Variants in TMEM178B observed in about 807,000 individuals in gnomAD.
TMEM178B encodes the protein transmembrane protein 178B.
A neutral mutation model predicts 31.0 loss-of-function variants in TMEM178B; 5 were observed. That is an observed-to-expected ratio of 0.16 (90% CI 0.08 to 0.34). TMEM178B has a LOEUF of 0.34. Ranked by LOEUF, TMEM178B falls within the 10% of genes least tolerant of loss-of-function variation. The pLI, the probability that TMEM178B is intolerant of heterozygous loss-of-function variation, is 1.00. For missense variants in TMEM178B, 275 were observed against 400.3 expected (o/e 0.69, Z 2.67); for synonymous variants, 164 against 164.0 (o/e 1.00, Z 0.00).
chr7:141,175,344 A>G (rs1483559524), intron 1 of TMEM178B, among the ~76,000 whole-genome samples: 4 of 152,150 alleles, frequency 2.6e-5, no homozygotes, highest in Non-Finnish European at 4.4e-5. Context: ...TACCAGTACC[A>G]TGCTCTTTTG....
chr7:141,469,998 A>G (rs1586981974), intron 3 of TMEM178B, among the ~76,000 whole-genome samples: 1 of 152,236 alleles, frequency 6.6e-6, no homozygotes, highest in East Asian at 1.9e-4. Context: ...ACACTTTGGG[A>G]AATGTCTTAT....
At chr7:141,181,714 C>T (rs1041907213) in intron 1 of TMEM178B, among the ~76,000 whole-genome samples, 1 of 152,204 alleles carries the variant, frequency 6.6e-6, no homozygotes, top group Non-Finnish European at 1.5e-5. Flanking sequence ...GAGCCACAGC[C>T]ACATATACTC....
chr7:141,250,814 T>C (rs183055599), intron 2 of TMEM178B, among the ~76,000 whole-genome samples: 2 of 152,350 alleles, frequency 1.3e-5, no homozygotes, highest in East Asian at 3.9e-4. Context: ...GCCTCATTGT[T>C]TGCCCAAGCC....
chr7:141,289,184 A>G (rs1045533209), intron 2 of TMEM178B, among the ~76,000 whole-genome samples: 2 of 152,168 alleles, frequency 1.3e-5, no homozygotes, highest in African/African-American at 4.8e-5. Flanking sequence ...TTGCCAAGAC[A>G]TGGGGGAAAA....
rs549275787 is a variant in TMEM178B at position 141,161,267 on chromosome 7, G to A, written c.383-51324G>A. Among the ~76,000 whole-genome samples, 17 of 152,298 alleles carry A rather than the reference G, an allele frequency of 1.1e-4. No homozygotes were observed. The South Asian group carries it at 3.3e-3, about 30-fold the overall frequency. ...GTCTGACAAGATTGGGATGAGAGTG[G>A]CCAGGGCTATGGTGGATGACGAGGT... is the stretch of plus-strand genomic sequence containing the variant. On this transcript the variant is annotated intron_variant, in intron 1 of 3. Transcript: ENST00000565468.
intron 2 of TMEM178B, among the ~76,000 whole-genome samples, chr7:141,381,061 C>T (rs534840275): frequency 6.6e-6 from 1 of 152,338 alleles, no homozygotes; most frequent in African/African-American, 2.4e-5. Context: ...ATTTTGTATG[C>T]ACACTTCACT....
intron 2 of TMEM178B, among the ~76,000 whole-genome samples, chr7:141,290,283 G>T (rs217016): frequency 0.1 from 15,325 of 152,238 alleles, 1,139 homozygotes; most frequent in African/African-American, 0.2. Flanking sequence ...CTGTGCTGGG[G>T]TGAAGTGTGA....
intron 1 of TMEM178B, among the ~76,000 whole-genome samples, chr7:141,153,544 G>A (rs1042580961): frequency 1.1e-4 from 16 of 152,140 alleles, no homozygotes; most frequent in Admixed American, 7.2e-4. Context: ...TTGCAAAAAC[G>A]TTTTCCTGAA....
chr7:141,420,940 G>A (rs1307905402), intron 2 of TMEM178B, among the ~76,000 whole-genome samples: 1 of 152,120 alleles, frequency 6.6e-6, no homozygotes, highest in Non-Finnish European at 1.5e-5. Flanking sequence ...TAACTTCCAG[G>A]TAGCAAGGAA....
intron 1 of TMEM178B, among the ~76,000 whole-genome samples, chr7:141,113,289 G>T (rs1414340890): frequency 6.6e-6 from 1 of 152,148 alleles, no homozygotes; most frequent in South Asian, 2.1e-4. Context: ...AGCAGGAGGG[G>T]TACCCTCAGA....
At chr7:141,211,418 T>C (rs1381999580) in intron 1 of TMEM178B, among the ~76,000 whole-genome samples, 7 of 152,226 alleles carry the variant, frequency 4.6e-5, no homozygotes, top group Admixed American at 4.6e-4. Context: ...AATTGCAGGT[T>C]CCCTGCTGAC....
chr7:141,450,464 A>G (rs1411128865), intron 3 of TMEM178B, among the ~76,000 whole-genome samples: 1 of 152,202 alleles, frequency 6.6e-6, no homozygotes, highest in African/African-American at 2.4e-5. Flanking sequence ...CTTTTTCAGG[A>G]CTGAAACCCT....
At chr7:141,233,424 TA>T (rs1182695549) in intron 2 of TMEM178B, among the ~76,000 whole-genome samples, 2 of 152,210 alleles carry the variant, frequency 1.3e-5, no homozygotes, top group African/African-American at 4.8e-5. Flanking sequence ...GTTCTGAGAA[TA>T]AATTTTCTCC....
intron 1 of TMEM178B, among the ~76,000 whole-genome samples, chr7:141,125,590 G>GAATT (rs1181421581): frequency 6.7e-6 from 1 of 149,984 alleles, no homozygotes; most frequent in African/African-American, 2.5e-5. Flanking sequence ...CTGAGGAGGA[G>GAATT]AATTGCCTGA....
chr7:141,181,689 G>A (rs561450483), intron 1 of TMEM178B, among the ~76,000 whole-genome samples: 3 of 152,310 alleles, frequency 2.0e-5, no homozygotes, highest in East Asian at 1.9e-4. Flanking sequence ...TCACAACCAC[G>A]AGCTAGGACC....
intron 2 of TMEM178B, among the ~76,000 whole-genome samples, chr7:141,394,168 C>T (rs1020044318): frequency 3.3e-5 from 5 of 152,186 alleles, no homozygotes; most frequent in African/African-American, 7.2e-5. Context: ...ACAATCACAG[C>T]CGTGCCCTCT....
At chr7:141,216,573 G>A (rs1373289866) in intron 2 of TMEM178B, among the ~76,000 whole-genome samples, 1 of 152,000 alleles carries the variant, frequency 6.6e-6, no homozygotes, top group Admixed American at 6.6e-5. Context: ...GGGAAGAAGG[G>A]TGATCTTTGT....
intron 3 of TMEM178B, among the ~76,000 whole-genome samples, chr7:141,448,418 G>A (rs1210857691): frequency 6.6e-6 from 1 of 152,172 alleles, no homozygotes; most frequent in East Asian, 1.9e-4. Flanking sequence ...GCAACAGCAA[G>A]GTGAAGATTT....
chr7:141,338,983 A>G (rs1216009659), intron 2 of TMEM178B, among the ~76,000 whole-genome samples: 1 of 152,150 alleles, frequency 6.6e-6, no homozygotes, highest in Non-Finnish European at 1.5e-5. Flanking sequence ...TATTTCAGAA[A>G]TATGTGGGGA....
Sources: gnomAD v4.1 joint callset for allele counts (sites outside exome capture counted in the v4.1 genomes callset) on GRCh38, gnomAD v4.1.1 for gene constraint, MANE v1.5 for transcripts, NCBI Gene and HGNC (gene_info 2026-07-23, HGNC 2026-07-21) for gene names.